EPHA6: variants seen among roughly 807,000 people sequenced by gnomAD.
EPHA6 encodes EPH receptor A6.
In EPHA6, 50 loss-of-function variants were observed where a neutral mutation model predicts 112.0. The observed-to-expected ratio is 0.45, with a 90% CI of 0.36 to 0.56. EPHA6 has a LOEUF of 0.56. Ranked by LOEUF, EPHA6 falls within the 20% of genes least tolerant of loss-of-function variation. The pLI, the probability that EPHA6 is intolerant of heterozygous loss-of-function variation, is 0.00. For missense variants in EPHA6, 1,280 were observed against 1,417.4 expected (o/e 0.90, Z 1.56); for synonymous variants, 529 against 490.7 (o/e 1.08, Z -1.03).
At chr3:97,321,243 T>G (rs2082106058) in intron 5 of EPHA6, among the ~76,000 whole-genome samples, 1 of 152,002 alleles carries the variant, frequency 6.6e-6, no homozygotes, top group African/African-American at 2.4e-5. Context: ...TCCAGATTGC[T>G]CTTTTTTCCC....
intron 3 of EPHA6, among the ~76,000 whole-genome samples, chr3:97,150,626 A>G (rs961498724): frequency 1.3e-5 from 2 of 152,086 alleles, no homozygotes. Flanking sequence ...AACTGTGAGT[A>G]ATGAAGTTAT....
intron 3 of EPHA6, among the ~76,000 whole-genome samples, chr3:97,154,178 AAAAT>A (rs933316281): frequency 3.3e-5 from 5 of 150,782 alleles, no homozygotes; most frequent in African/African-American, 1.2e-4. Flanking sequence ...AAAAAAAAAA[AAAAT>A]ATCAGTCTTT....
intron 2 of EPHA6, among the ~76,000 whole-genome samples, chr3:96,879,075 A>G (rs535470338): frequency 1.3e-5 from 2 of 152,170 alleles, no homozygotes; most frequent in East Asian, 1.9e-4. Flanking sequence ...AATATTGTCT[A>G]TTATTAGGTT....
Position 97,032,379 on chromosome 3 carries a change from C to T in EPHA6, c.1114+44386C>T, listed in dbSNP as rs557470170. ...CGAGTTAATGGGTGCAGCACACCAACATGGCACATGTGTACCTATGTAACA... is the reference window on the plus strand; with the variant it reads ...CGAGTTAATGGGTGCAGCACACCAATATGGCACATGTGTACCTATGTAACA... On this transcript the variant is annotated intron_variant, in intron 3 of 17. Coordinates refer to ENST00000389672, the MANE Select transcript of EPHA6 (RefSeq NM_001080448.3). 5.9e-5 allele frequency among the ~76,000 whole-genome samples: 9 copies of T among 152,134 alleles called. No homozygotes were observed. In the East Asian group the frequency reaches 1.7e-3, roughly 29 times the overall value.
intron 2 of EPHA6, among the ~76,000 whole-genome samples, chr3:96,882,185 C>G (rs965263191): frequency 6.6e-6 from 1 of 152,114 alleles, no homozygotes; most frequent in South Asian, 2.1e-4. Flanking sequence ...ATTTCCCTTC[C>G]GCACTTTAAG....
At chr3:97,255,942 A>G (rs1174563026) in intron 5 of EPHA6, among the ~76,000 whole-genome samples, 1 of 152,146 alleles carries the variant, frequency 6.6e-6, no homozygotes, top group Non-Finnish European at 1.5e-5. Context: ...AATACACTTA[A>G]TATAATTTTT....
At chr3:96,999,759 A>T (rs943627005) in intron 3 of EPHA6, among the ~76,000 whole-genome samples, 2 of 151,808 alleles carry the variant, frequency 1.3e-5, no homozygotes, top group Non-Finnish European at 2.9e-5. Flanking sequence ...TAATCCCTGA[A>T]CCCCTAAGAT....
intron 3 of EPHA6, among the ~76,000 whole-genome samples, chr3:97,214,205 A>G (rs368443941): frequency 8.8e-4 from 133 of 151,926 alleles, no homozygotes; most frequent in African/African-American, 2.8e-3. Context: ...TGCCTGGCTA[A>G]TTTTTGTATT....
At chr3:97,241,633 C>T (rs899682670) in intron 4 of EPHA6, among the ~76,000 whole-genome samples, 4 of 151,434 alleles carry the variant, frequency 2.6e-5, no homozygotes, top group East Asian at 3.9e-4. Context: ...TATGTCATTA[C>T]AGCTTAATAT....
intron 3 of EPHA6, among the ~76,000 whole-genome samples, chr3:97,043,519 A>G (rs548637496): frequency 6.6e-6 from 1 of 152,276 alleles, no homozygotes; most frequent in African/African-American, 2.4e-5. Context: ...ATACTAAGAG[A>G]ACACTAACGG....
chr3:96,958,155 C>T (rs937085214), intron 2 of EPHA6, among the ~76,000 whole-genome samples: 9 of 151,908 alleles, frequency 5.9e-5, no homozygotes, highest in South Asian at 2.1e-4. Flanking sequence ...CCAGGCGTGG[C>T]GGGGCATGCC....
intron 5 of EPHA6, among the ~76,000 whole-genome samples, chr3:97,245,810 A>G (rs1041101769): frequency 1.3e-5 from 2 of 151,836 alleles, no homozygotes; most frequent in Non-Finnish European, 2.9e-5. Flanking sequence ...CTGACACTAC[A>G]TACGTGATAA....
intron 3 of EPHA6, among the ~76,000 whole-genome samples, chr3:97,184,522 T>C (rs1164156876): frequency 6.6e-6 from 1 of 152,078 alleles, no homozygotes. Context: ...ATGAAGGACC[T>C]CTTCAAGGAG....
At chr3:97,456,465 A>G (rs2090689197) in intron 7 of EPHA6, among the ~76,000 whole-genome samples, 1 of 152,058 alleles carries the variant, frequency 6.6e-6, no homozygotes, top group South Asian at 2.1e-4. Flanking sequence ...TGCACCTGGC[A>G]AGTAGAAGGC....
In EPHA6 at chr3:97,481,266, A is replaced by C. The variant is rs890812278; in HGVS notation, c.2074+1902A>C. Reference sequence around the variant, plus strand: ...AGATCACGTACATAACCAGGAATTGAATAAATAATGAATGTTTTCATAAAG... The same window carrying C: ...AGATCACGTACATAACCAGGAATTGCATAAATAATGAATGTTTTCATAAAG... On this transcript the variant is annotated intron_variant, in intron 9 of 17. Coordinates refer to ENST00000389672, the MANE Select transcript of EPHA6 (RefSeq NM_001080448.3). 5 of 1,486,832 alleles carry C rather than the reference A, an allele frequency of 3.4e-6. No homozygotes were observed. In the Admixed American group the frequency reaches 5.0e-5, roughly 15 times the overall value. 92.1% of individuals were successfully genotyped at this position (1,486,832 alleles called of 1,614,324 possible).
At chr3:97,062,517 C>A (rs2046053739) in intron 3 of EPHA6, among the ~76,000 whole-genome samples, 1 of 152,140 alleles carries the variant, frequency 6.6e-6, no homozygotes, top group Non-Finnish European at 1.5e-5. Flanking sequence ...AAGAAGTGGG[C>A]AAAGGAACAC....
intron 3 of EPHA6, among the ~76,000 whole-genome samples, chr3:97,033,684 G>T (rs2044968063): frequency 6.6e-6 from 1 of 151,802 alleles, no homozygotes; most frequent in Admixed American, 6.6e-5. Context: ...ATTTAAAAAC[G>T]AATCCTTACT....
chr3:97,389,465 T>G (rs1158434892), intron 5 of EPHA6, among the ~76,000 whole-genome samples: 1 of 152,206 alleles, frequency 6.6e-6, no homozygotes, highest in Non-Finnish European at 1.5e-5. Flanking sequence ...TATTTATTTT[T>G]TGAAATTAAT....
intron 3 of EPHA6, among the ~76,000 whole-genome samples, chr3:96,989,061 CAAT>C (rs2043124636): frequency 6.6e-6 from 1 of 152,082 alleles, no homozygotes; most frequent in Non-Finnish European, 1.5e-5. Flanking sequence ...ATTTCCCTCT[CAAT>C]GATAACTTCT....
Sources: allele counts gnomAD v4.1 joint callset (sites outside exome capture counted in the v4.1 genomes callset), GRCh38; gene constraint gnomAD v4.1.1; transcripts MANE v1.5; gene names NCBI Gene and HGNC (gene_info 2026-07-23, HGNC 2026-07-21).